The following PCDHGB1 variants were observed in gnomAD, a reference collection of about 807,000 sequenced individuals.
PCDHGB1 encodes the protein protocadherin gamma subfamily B, 1.
In PCDHGB1, 34 loss-of-function variants were observed where a neutral mutation model predicts 56.6. That is an observed-to-expected ratio of 0.60 (90% confidence interval 0.46 to 0.80). PCDHGB1 has a LOEUF of 0.80. Among genes scored for constraint, PCDHGB1 ranks in the 30% least tolerant of loss-of-function variants. The pLI is 0.00. For synonymous variants in PCDHGB1, 561 were observed against 505.9 expected (o/e 1.11, Z -1.46); for missense variants, 1,278 against 1,204.6 (o/e 1.06, Z -0.90).
chr5:141,423,035 C>T (rs1220219512), intron 1 of PCDHGB1: 2 of 1,614,214 alleles, frequency 1.2e-6, no homozygotes, highest in Admixed American at 3.3e-5. Flanking sequence ...GGCCAGAACG[C>T]CTGGCTGTCC....
At chr5:141,420,018 G>A (rs2096458708) in intron 1 of PCDHGB1, 2 of 1,613,948 alleles carry the variant, frequency 1.2e-6, no homozygotes, top group African/African-American at 1.3e-5. Flanking sequence ...CAGTCTTTCA[G>A]CCCTACTGCA....
rs774113255 is a variant in PCDHGB1 at position 141,405,285 on chromosome 5, C to T, written c.2409+52616C>T. 3.7e-6 allele frequency: 6 copies of T among 1,614,080 alleles called. No individual in the cohort carries two copies. The Admixed American group carries it at 1.0e-4, about 27-fold the overall frequency. On this transcript the variant is annotated intron_variant, in intron 1 of 3. Coordinates refer to ENST00000523390, the MANE Select transcript of PCDHGB1 (RefSeq NM_018922.3). ...TTCCCCCAGCCCAACTATGCAGACACACTCATCAGCCAGCAGAGCTGTGAG... is the reference window on the plus strand; with the variant it reads ...TTCCCCCAGCCCAACTATGCAGACATACTCATCAGCCAGCAGAGCTGTGAG...
In PCDHGB1 at chr5:141,511,445, A is replaced by G; in HGVS notation, c.*272A>G. ...GGTAGTGGGGTTACTGTAGACACCA[A>G]GAACCATTTGCCACACCCCGTTTAG... On this transcript the variant is annotated 3_prime_UTR_variant, in exon 4 of 4. Coordinates refer to ENST00000523390, the MANE Select transcript of PCDHGB1 (RefSeq NM_018922.3). 4.5e-6 allele frequency: 3 copies of G among 659,774 alleles called. No individual in the cohort carries two copies. Among genetic ancestry groups the G allele is most frequent in the Non-Finnish European group, 4.9e-6 (2 of 412,228 alleles). 40.9% of individuals were successfully genotyped at this position (659,774 alleles called of 1,614,324 possible). A position where few individuals can be genotyped will look rare whatever the true frequency, so the allele number is the denominator to read the frequency against.
intron 1 of PCDHGB1, chr5:141,413,353 C>A (rs2095629361): frequency 6.2e-7 from 1 of 1,613,962 alleles, no homozygotes; most frequent in East Asian, 2.2e-5. Context: ...GGGTCTGGCG[C>A]CCCGGGAGCT....
chr5:141,413,756 A>G, intron 1 of PCDHGB1: 1 of 1,613,042 alleles, frequency 6.2e-7, no homozygotes, highest in South Asian at 1.1e-5. Context: ...AATGGCGTCA[A>G]GTACCCGGAG....
chr5:141,484,864 A>G, intron 1 of PCDHGB1: 1 of 263,722 alleles, frequency 3.8e-6, no homozygotes, highest in Non-Finnish European at 7.2e-6. Context: ...GGGGTGGGGG[A>G]GCGTGGAGGA....
chr5:141,474,407 G>A (rs1431210575), intron 1 of PCDHGB1, among the ~76,000 whole-genome samples: 2 of 152,230 alleles, frequency 1.3e-5, no homozygotes, highest in East Asian at 1.9e-4. Flanking sequence ...GCTCCCCGGT[G>A]ATGCCTAGAC....
chr5:141,478,100 C>T, intron 1 of PCDHGB1: 1 of 1,614,124 alleles, frequency 6.2e-7, no homozygotes, highest in Non-Finnish European at 8.5e-7. Context: ...CACTGCTACC[C>T]TCACTGTGTC....
intron 1 of PCDHGB1, chr5:141,415,388 G>C (rs752789407): frequency 6.2e-7 from 1 of 1,614,236 alleles, no homozygotes; most frequent in East Asian, 2.2e-5. Flanking sequence ...GGCTTGACAG[G>C]TGTGTCCGGC....
intron 1 of PCDHGB1, among the ~76,000 whole-genome samples, chr5:141,386,959 G>A (rs1339408726): frequency 6.6e-6 from 1 of 152,220 alleles, no homozygotes; most frequent in Non-Finnish European, 1.5e-5. Flanking sequence ...CAGTGCAGCA[G>A]ATCTCAGTGA....
intron 1 of PCDHGB1, chr5:141,357,277 C>T: frequency 6.2e-7 from 1 of 1,613,924 alleles, no homozygotes; most frequent in Non-Finnish European, 8.5e-7. Flanking sequence ...CACACTCTAT[C>T]TCGTGGTGGC....
chr5:141,360,347 A>G, intron 1 of PCDHGB1: 1 of 1,613,970 alleles, frequency 6.2e-7, no homozygotes, highest in Non-Finnish European at 8.5e-7. Flanking sequence ...GTTAGCGCGG[A>G]GAAGGAATAT....
intron 1 of PCDHGB1, chr5:141,371,871 G>A (rs1298727306): frequency 1.9e-6 from 3 of 1,613,400 alleles, no homozygotes; most frequent in African/African-American, 2.7e-5. Flanking sequence ...CTACATCGTG[G>A]CCAGTGACCT....
intron 1 of PCDHGB1, chr5:141,357,734 T>G: frequency 7.5e-7 from 1 of 1,340,180 alleles, no homozygotes. Context: ...TTTAATATTT[T>G]ATTGCTTTAA....
chr5:141,470,671 C>T (rs2099236433), intron 1 of PCDHGB1, among the ~76,000 whole-genome samples: 1 of 152,064 alleles, frequency 6.6e-6, no homozygotes, highest in African/African-American at 2.4e-5. Context: ...TAGGGCTCTG[C>T]TGTTACCATC....
chr5:141,397,978 C>T (rs2093593315), intron 1 of PCDHGB1: 3 of 1,261,604 alleles, frequency 2.4e-6, no homozygotes, highest in Admixed American at 2.8e-5. Flanking sequence ...CAGCGCCGGC[C>T]TTTACACCGC....
At position 141,351,296 on chromosome 5, in the gene PCDHGB1, A is replaced by T; in HGVS notation, c.1036A>T (p.Met346Leu). Residue 346 changes from methionine to leucine, a missense_variant, in exon 1 of 4, where the codon ATG becomes TTG. Met to Leu is a conservative substitution (Grantham distance 15). Coordinates refer to ENST00000523390, the MANE Select transcript of PCDHGB1 (RefSeq NM_018922.3). ...ENDNAPEVTF[M>L]SFSNQIPEDS... Reference sequence around the variant, plus strand: ...TGACAATGCCCCAGAGGTGACATTCATGTCCTTCTCTAACCAGATTCCAGA... The same window carrying T: ...TGACAATGCCCCAGAGGTGACATTCTTGTCCTTCTCTAACCAGATTCCAGA... The T allele has an allele frequency of 2.5e-6, 4 of 1,613,934 alleles. No homozygotes were observed. The highest frequency in any genetic ancestry group is 3.4e-6 in the Non-Finnish European group (4 of 1,179,804).
intron 1 of PCDHGB1, among the ~76,000 whole-genome samples, chr5:141,437,360 G>T (rs1432098876): frequency 6.6e-6 from 1 of 152,144 alleles, no homozygotes; most frequent in Non-Finnish European, 1.5e-5. Context: ...ACCTAAAATT[G>T]GAATGTAATC....
chr5:141,428,406 C>T (rs908202809), intron 1 of PCDHGB1: 1 of 473,274 alleles, frequency 2.1e-6, no homozygotes, highest in Non-Finnish European at 3.9e-6. Context: ...CCTGGGGTTG[C>T]TTTCACCCTG....
Sources: gnomAD v4.1 joint callset for allele counts (sites outside exome capture counted in the v4.1 genomes callset) on GRCh38, gnomAD v4.1.1 for gene constraint, MANE v1.5 for transcripts, NCBI Gene and HGNC (gene_info 2026-07-23, HGNC 2026-07-21) for gene names.